Variants in CERKL observed in about 807,000 individuals in gnomAD.
The protein encoded by CERKL is CERK like autophagy regulator.
In CERKL, 61 loss-of-function variants were observed where a neutral mutation model predicts 63.4. The ratio of observed to expected loss-of-function variants is 0.96; its 90% CI spans 0.78 to 1.19. CERKL has a LOEUF of 1.19. CERKL is among the 50% of genes most tolerant of loss of function. The probability of loss-of-function intolerance (pLI) is 0.00; values close to 1 mark genes in which losing one functional copy is unlikely to be tolerated. For missense variants in CERKL, 675 were observed against 655.5 expected, an observed-to-expected ratio of 1.03 and a Z score of -0.33; for synonymous variants, 250 against 230.5, an observed-to-expected ratio of 1.08 and a Z score of -0.77.
chr2:181,611,555 C>T (rs6759045), intron 1 of CERKL, among the ~76,000 whole-genome samples: 10,541 of 151,884 alleles, frequency 0.069, 498 homozygotes, highest in Non-Finnish European at 0.11. Flanking sequence ...CATGGTGGTG[C>T]TTTCCTGTGG....
At position 181,544,701 on chromosome 2, in the gene CERKL, T is replaced by C; in HGVS notation, c.1364A>G (p.Gln455Arg). ...HLKRYASVKN[Q>R]FNFPFVETYT... The stretch of plus-strand genomic sequence containing the variant: ...AGTAACAAAAAGAATTTACTATACC[T>C]GATTTTTTACACTGGCATATCTTTT... Residue 455 changes from glutamine (Q) to arginine (R), a missense_variant and splice_region_variant, in exon 11 of 13, where the codon CAG (glutamine) becomes CGG (arginine). By Grantham distance (43) the Gln-to-Arg change is conservative. Transcript: ENST00000410087. The C allele has an allele frequency of 6.3e-7, 1 of 1,579,518 alleles. No individual in the cohort carries two copies. The highest frequency in any genetic ancestry group is 8.7e-7 in the Non-Finnish European group (1 of 1,151,714).
In CERKL at chr2:181,585,127, G is replaced by C. The variant is rs560112513; in HGVS notation, c.482-11243C>G. ...AGGAAATATTTTCATCTGATTGCCT[G>C]GTAGTACATACCATCACTTGACATA... On this transcript the variant is annotated intron_variant, in intron 2 of 12. Transcript: ENST00000410087. 2.0e-4 allele frequency among the ~76,000 whole-genome samples: 30 copies of C among 151,888 alleles called. No individual in the cohort carries two copies. In the South Asian group the frequency reaches 6.0e-3, roughly 30 times the overall value.
At chr2:181,636,854 A>T (rs980219334) in intron 1 of CERKL, among the ~76,000 whole-genome samples, 1 of 152,098 alleles carries the variant, frequency 6.6e-6, no homozygotes, top group Non-Finnish European at 1.5e-5. Context: ...TTCCATGTGC[A>T]TTTATAATGC....
At chr2:181,651,384 G>A (rs1158300932) in intron 1 of CERKL, among the ~76,000 whole-genome samples, 2 of 152,074 alleles carry the variant, frequency 1.3e-5, no homozygotes, top group Non-Finnish European at 2.9e-5. Context: ...CATACACAAA[G>A]CAGTAAATGT....
chr2:181,562,931 C>T (rs1688509744), intron 4 of CERKL, among the ~76,000 whole-genome samples: 1 of 151,906 alleles, frequency 6.6e-6, no homozygotes, highest in African/African-American at 2.4e-5. Context: ...ATGTCTACAA[C>T]ATTATGGGTC....
At chr2:181,620,014 G>A (rs1686378813) in intron 1 of CERKL, among the ~76,000 whole-genome samples, 1 of 152,118 alleles carries the variant, frequency 6.6e-6, no homozygotes, top group African/African-American at 2.4e-5. Flanking sequence ...CTACATTCGA[G>A]GCACTTCTTT....
chr2:181,567,238 A>G (rs1431833849), intron 3 of CERKL, among the ~76,000 whole-genome samples: 1 of 152,192 alleles, frequency 6.6e-6, no homozygotes, highest in Non-Finnish European at 1.5e-5. Context: ...TTGAAAGGTT[A>G]TCAAAGAAGA....
chr2:181,547,593 C>T, intron 10 of CERKL, 25 bp downstream of exon 10: 2 of 1,590,644 alleles, frequency 1.3e-6, no homozygotes, highest in Non-Finnish European at 1.7e-6. Flanking sequence ...AATGTATCAA[C>T]AATTCAATAA....
chr2:181,634,489 T>C (rs1005511699), intron 1 of CERKL, among the ~76,000 whole-genome samples: 2 of 152,078 alleles, frequency 1.3e-5, no homozygotes, highest in African/African-American at 4.8e-5. Flanking sequence ...CTCATTAAGG[T>C]GAAAAAAATT....
At chr2:181,645,529 G>A (rs754145089) in intron 1 of CERKL, among the ~76,000 whole-genome samples, 1 of 152,196 alleles carries the variant, frequency 6.6e-6, no homozygotes, top group African/African-American at 2.4e-5. Context: ...AGTTGGCTTT[G>A]GACTGTGAAA....
At chr2:181,596,465 G>A (rs1026601361) in intron 2 of CERKL, among the ~76,000 whole-genome samples, 1 of 152,162 alleles carries the variant, frequency 6.6e-6, no homozygotes, top group African/African-American at 2.4e-5. Flanking sequence ...TGAAAGGGTA[G>A]AGGTTATGAG....
intron 3 of CERKL, among the ~76,000 whole-genome samples, chr2:181,569,035 G>A (rs1350580075): frequency 6.6e-6 from 1 of 151,978 alleles, no homozygotes; most frequent in East Asian, 1.9e-4. Context: ...CTTTTATCTT[G>A]TCTCCCTCAA....
chr2:181,571,870 G>T (rs56342846), intron 3 of CERKL, among the ~76,000 whole-genome samples: 37,101 of 151,972 alleles, frequency 0.24, 4,911 homozygotes, highest in African/African-American at 0.35. Context: ...ACTTAAAAAA[G>T]GAAATTTTAA....
At chr2:181,619,738 C>A (rs1199556546) in intron 1 of CERKL, among the ~76,000 whole-genome samples, 1 of 152,108 alleles carries the variant, frequency 6.6e-6, no homozygotes, top group Non-Finnish European at 1.5e-5. Context: ...CTCTTCTAAA[C>A]AATAACCTTC....
intron 11 of CERKL, among the ~76,000 whole-genome samples, chr2:181,540,204 C>T (rs1374002162): frequency 6.6e-6 from 1 of 152,190 alleles, no homozygotes. Context: ...GCTGTTGTGA[C>T]TGAGGTACAG....
chr2:181,637,040 A>G (rs1014241861), intron 1 of CERKL, among the ~76,000 whole-genome samples: 1 of 152,198 alleles, frequency 6.6e-6, no homozygotes, highest in Non-Finnish European at 1.5e-5. Context: ...GGACTACAGT[A>G]AAAACATGAA....
chr2:181,560,645 G>A (rs1688399620), intron 4 of CERKL, among the ~76,000 whole-genome samples: 1 of 152,008 alleles, frequency 6.6e-6, no homozygotes, highest in Admixed American at 6.6e-5. Context: ...CTAAAACATA[G>A]AAAGATAAAG....
In CERKL at chr2:181,550,677, C is replaced by T. The variant is rs569878177; in HGVS notation, c.821-969G>A. 2.7e-4 allele frequency among the ~76,000 whole-genome samples: 41 copies of T among 152,242 alleles called. No individual in the cohort carries two copies. The highest frequency in any genetic ancestry group is 1.2e-4 in the Non-Finnish European group (8 of 68,004). On this transcript the variant is annotated intron_variant, in intron 5 of 12. Coordinates refer to ENST00000410087, the MANE Select transcript of CERKL (RefSeq NM_201548.5). The surrounding 1 kb of genome is among the most constrained non-coding windows in gnomAD (Gnocchi z 4.5). ...TCAGAAGCATTCCTATGTGATCATA[C>T]ATAATTGCTTCAATTTGTGTTACTT...
intron 1 of CERKL, among the ~76,000 whole-genome samples, chr2:181,618,703 T>C (rs1456523716): frequency 6.6e-6 from 1 of 152,214 alleles, no homozygotes; most frequent in African/African-American, 2.4e-5. Flanking sequence ...TGGGCCACCA[T>C]GCCCATCTTT....
Sources: allele counts gnomAD v4.1 joint callset (sites outside exome capture counted in the v4.1 genomes callset), GRCh38; gene constraint gnomAD v4.1.1; non-coding constraint Gnocchi (gnomAD v3.1); transcripts MANE v1.5; gene names NCBI Gene and HGNC (gene_info 2026-07-23, HGNC 2026-07-21).